The following EXOC4 variants were observed in gnomAD, a reference collection of about 807,000 sequenced individuals.
EXOC4 encodes the protein SEC8-like 1.
EXOC4 carries 71 observed loss-of-function variants against 107.2 expected under a neutral mutation model. The ratio of observed to expected loss-of-function variants is 0.66; its 90% CI spans 0.55 to 0.81. The LOEUF is 0.81. Among genes scored for constraint, EXOC4 ranks in the 30% least tolerant of loss-of-function variants. EXOC4 has a pLI of 0.00. For synonymous variants in EXOC4, 456 were observed against 441.2 expected, an observed-to-expected ratio of 1.03 and a Z score of -0.42; for missense variants, 1,108 against 1,189.6, an observed-to-expected ratio of 0.93 and a Z score of 1.01.
chr7:133,827,328 T>A (rs1797725849), intron 11 of EXOC4, among the ~76,000 whole-genome samples: 1 of 152,158 alleles, frequency 6.6e-6, no homozygotes, highest in Admixed American at 6.5e-5. Context: ...TCCATAAATA[T>A]CATTAACTTA....
At chr7:133,622,262 G>A (rs77116418) in intron 9 of EXOC4, among the ~76,000 whole-genome samples, 4,559 of 152,224 alleles carry the variant, frequency 0.03, 129 homozygotes, top group Non-Finnish European at 0.048. Flanking sequence ...GGCATGAGCC[G>A]TCACACCTGG....
At chr7:133,478,634 T>A (rs1332243744) in intron 8 of EXOC4, among the ~76,000 whole-genome samples, 1 of 152,186 alleles carries the variant, frequency 6.6e-6, no homozygotes, top group Non-Finnish European at 1.5e-5. Flanking sequence ...AGGATTAAGA[T>A]TTTGACTGTT....
intron 15 of EXOC4, among the ~76,000 whole-genome samples, chr7:134,004,499 A>G (rs1794598281): frequency 6.6e-6 from 1 of 152,162 alleles, no homozygotes; most frequent in Non-Finnish European, 1.5e-5. Context: ...TCTCATCTTC[A>G]TTGCAACAAT....
rs1296299775 is a variant in EXOC4 at position 133,971,401 on chromosome 7, G to GAGAGAGAGAA, written c.2207-26090_2207-26089insGAGAGAGAAA. ...AGAGAGAGAGAGAGAGAGAGAGAGA[G>GAGAGAGAGAA]AAAGAGAGAGAGAATATGTATTCTA... is the stretch of plus-strand genomic sequence containing the variant. On this transcript the variant is annotated intron_variant, in intron 14 of 17. Transcript: ENST00000253861. 1.0e-3 allele frequency among the ~76,000 whole-genome samples: 112 copies of GAGAGAGAGAA among 110,686 alleles called. 2 individuals carry two copies. The highest frequency in any genetic ancestry group is 3.1e-3 in the African/African-American group (95 of 30,348). The allele number at this position is 110,686 out of a possible 152,430, so 72.6% of individuals were successfully genotyped here.
At chr7:133,542,074 G>A (rs1800391212) in intron 9 of EXOC4, among the ~76,000 whole-genome samples, 1 of 152,050 alleles carries the variant, frequency 6.6e-6, no homozygotes, top group African/African-American at 2.4e-5. Flanking sequence ...GAAGCAATGT[G>A]TGTACAGGCC....
chr7:133,298,782 C>A (rs1794577942), intron 3 of EXOC4, among the ~76,000 whole-genome samples: 1 of 152,120 alleles, frequency 6.6e-6, no homozygotes, highest in Non-Finnish European at 1.5e-5. Flanking sequence ...TTGAGATCTA[C>A]TTCTAGAATT....
chr7:134,027,181 C>T (rs1170199000), intron 17 of EXOC4, among the ~76,000 whole-genome samples: 1 of 152,088 alleles, frequency 6.6e-6, no homozygotes, highest in African/African-American at 2.4e-5. Flanking sequence ...CCAGAAATAA[C>T]AGTAATCTGT....
At chr7:133,424,109 T>C (rs941470368) in intron 7 of EXOC4, among the ~76,000 whole-genome samples, 2 of 152,112 alleles carry the variant, frequency 1.3e-5, no homozygotes, top group Admixed American at 1.3e-4. Context: ...CAGTAGGATG[T>C]GGGTGGGGCC....
chr7:133,613,652 G>C (rs1013897227), intron 9 of EXOC4, among the ~76,000 whole-genome samples: 7 of 152,030 alleles, frequency 4.6e-5, no homozygotes, highest in Admixed American at 3.9e-4. Flanking sequence ...ATACATTGAG[G>C]TCTGCAGCTG....
At chr7:133,686,604 A>G (rs1427206698) in intron 10 of EXOC4, among the ~76,000 whole-genome samples, 1 of 152,198 alleles carries the variant, frequency 6.6e-6, no homozygotes, top group Non-Finnish European at 1.5e-5. Context: ...TTGCCAATAA[A>G]CATATGAAAA....
chr7:133,912,306 A>G (rs1315103726), intron 12 of EXOC4, among the ~76,000 whole-genome samples: 1 of 152,236 alleles, frequency 6.6e-6, no homozygotes, highest in Non-Finnish European at 1.5e-5. Context: ...CTTTCCAATA[A>G]TAGGCCACCT....
chr7:133,862,776 T>G (rs1798562713), intron 11 of EXOC4, among the ~76,000 whole-genome samples: 1 of 152,188 alleles, frequency 6.6e-6, no homozygotes, highest in African/African-American at 2.4e-5. Context: ...AGTTATTATG[T>G]AGGGAAAGCA....
At chr7:133,596,556 C>T (rs1189970799) in intron 9 of EXOC4, among the ~76,000 whole-genome samples, 2 of 152,054 alleles carry the variant, frequency 1.3e-5, no homozygotes, top group Non-Finnish European at 2.9e-5. Context: ...ATTCACTCTT[C>T]CCCCCAATAA....
intron 15 of EXOC4, among the ~76,000 whole-genome samples, chr7:133,998,217 G>T (rs951214520): frequency 6.6e-6 from 1 of 152,160 alleles, no homozygotes; most frequent in Non-Finnish European, 1.5e-5. Context: ...AAGTGATTGA[G>T]GTATTCAGCA....
chr7:133,409,184 A>G (rs1331346293), intron 7 of EXOC4, among the ~76,000 whole-genome samples: 1 of 152,206 alleles, frequency 6.6e-6, no homozygotes, highest in Non-Finnish European at 1.5e-5. Context: ...ATTCAATAAC[A>G]GAATGATCAA....
chr7:133,313,140 T>TCG (rs1482161925), intron 4 of EXOC4, among the ~76,000 whole-genome samples: 2 of 133,718 alleles, frequency 1.5e-5, no homozygotes, highest in Non-Finnish European at 3.1e-5. Context: ...CTTTCAGTTC[T>TCG]TGTTTTTTTT....
chr7:133,333,177 T>C (rs1344771635), intron 5 of EXOC4, among the ~76,000 whole-genome samples: 1 of 152,226 alleles, frequency 6.6e-6, no homozygotes, highest in Non-Finnish European at 1.5e-5. Context: ...TCATTAATTG[T>C]TTAAATCAGT....
At chr7:133,282,826 A>G (rs578185542) in intron 2 of EXOC4, among the ~76,000 whole-genome samples, 1 of 152,152 alleles carries the variant, frequency 6.6e-6, no homozygotes, top group Non-Finnish European at 1.5e-5. Context: ...TCAGGCATAC[A>G]ATACATTGTT....
chr7:133,905,987 G>T (rs1040540739), intron 12 of EXOC4, among the ~76,000 whole-genome samples: 1 of 152,174 alleles, frequency 6.6e-6, no homozygotes, highest in Non-Finnish European at 1.5e-5. Flanking sequence ...ACCATGGTGC[G>T]TGGGAGAAAG....
Sources: gnomAD v4.1 joint callset for allele counts (sites outside exome capture counted in the v4.1 genomes callset) on GRCh38, gnomAD v4.1.1 for gene constraint, MANE v1.5 for transcripts, NCBI Gene and HGNC (gene_info 2026-07-23, HGNC 2026-07-21) for gene names.